KHDRBS2: variants seen among roughly 807,000 people sequenced by gnomAD.
KHDRBS2 encodes the protein KH RNA binding domain containing, signal transduction associated 2.
A neutral mutation model predicts 44.3 loss-of-function variants in KHDRBS2; 26 were observed. The observed-to-expected ratio is 0.59, with a 90% confidence interval of 0.43 to 0.81. The LOEUF (loss-of-function observed/expected upper bound fraction) is 0.81, where lower values mean the gene tolerates loss of function less well. KHDRBS2 is among the 40% of genes least tolerant of loss of function. KHDRBS2 has a pLI of 0.00. For synonymous variants in KHDRBS2, 194 were observed against 151.1 expected (o/e 1.28, Z -2.08); for missense variants, 476 against 433.1 (o/e 1.10, Z -0.88).
the KHDRBS2 span, among the ~76,000 whole-genome samples, chr6:61,594,209 TAGAAA>T: frequency 4.0e-5 from 6 of 151,170 alleles, no homozygotes; most frequent in Admixed American, 1.3e-4. Context: ...TTCTTAACTC[TAGAAA>T]AGAAAACATT....
At chr6:62,074,417 G>A (rs143354677) in intron 2 of KHDRBS2, among the ~76,000 whole-genome samples, 381 of 151,842 alleles carry the variant, frequency 2.5e-3, no homozygotes, top group Non-Finnish European at 2.7e-3. Context: ...TGTGACTATA[G>A]TCCACCATCT....
chr6:61,716,725 T>G (rs1310227736), intron 7 of KHDRBS2, among the ~76,000 whole-genome samples: 5 of 152,052 alleles, frequency 3.3e-5, no homozygotes, highest in Non-Finnish European at 7.4e-5. Context: ...CTTAAATATG[T>G]TATTCATATG....
chr6:61,854,904 C>T (rs779919946), intron 6 of KHDRBS2, among the ~76,000 whole-genome samples: 2 of 152,144 alleles, frequency 1.3e-5, no homozygotes, highest in Non-Finnish European at 2.9e-5. Flanking sequence ...TCTTGAAAGA[C>T]CATATATCTT....
chr6:61,674,187 T>C, the KHDRBS2 span, among the ~76,000 whole-genome samples: 1 of 151,804 alleles, frequency 6.6e-6, no homozygotes, highest in Non-Finnish European at 1.5e-5. Context: ...TGTTTTTCTA[T>C]GATGAAATCA....
chr6:61,764,167 C>G (rs551344271), intron 6 of KHDRBS2, among the ~76,000 whole-genome samples: 11 of 152,222 alleles, frequency 7.2e-5, no homozygotes, highest in Admixed American at 3.9e-4. Context: ...TGAGCTCATT[C>G]CTTTTTAGGA....
intron 1 of KHDRBS2, among the ~76,000 whole-genome samples, chr6:62,233,098 A>C (rs1340486866): frequency 6.6e-6 from 1 of 152,162 alleles, no homozygotes; most frequent in Non-Finnish European, 1.5e-5. Context: ...ACTTAGGCTA[A>C]TTGGGACTAA....
At chr6:61,877,193 G>A (rs1799543296) in intron 6 of KHDRBS2, among the ~76,000 whole-genome samples, 1 of 151,780 alleles carries the variant, frequency 6.6e-6, no homozygotes, top group Admixed American at 6.6e-5. Flanking sequence ...CCCCTGCATT[G>A]GACCTCCAGT....
chr6:62,286,070 G>T lies in KHDRBS2; in HGVS notation c.-122C>A. 1 of 692,800 alleles carries T rather than the reference G, an allele frequency of 1.4e-6. No homozygotes were observed. Among genetic ancestry groups the T allele is most frequent in the Non-Finnish European group, 2.6e-6 (1 of 387,390 alleles). The allele number at this position is 692,800 out of a possible 1,614,324, so 42.9% of individuals were successfully genotyped here. A position where few individuals can be genotyped will look rare whatever the true frequency, so the allele number is the denominator to read the frequency against. On this transcript the variant is annotated 5_prime_UTR_variant, in exon 1 of 9. Coordinates refer to ENST00000281156, the MANE Select transcript of KHDRBS2 (RefSeq NM_152688.4). ...CTCCTCCGCGCGGCGAGGGATCTCT[G>T]TGCGTCCTCACTGGCCCATGCACCC...
chr6:61,772,786 C>T (rs1170329978), intron 6 of KHDRBS2, among the ~76,000 whole-genome samples: 1 of 152,046 alleles, frequency 6.6e-6, no homozygotes, highest in Non-Finnish European at 1.5e-5. Context: ...GCTATCCCTA[C>T]CCCCTACCCC....
the KHDRBS2 span, among the ~76,000 whole-genome samples, chr6:61,673,914 G>GA: frequency 6.7e-6 from 1 of 150,342 alleles, no homozygotes; most frequent in Non-Finnish European, 1.5e-5. Flanking sequence ...CACAGAATTG[G>GA]AAAAAACTAC....
intron 2 of KHDRBS2, among the ~76,000 whole-genome samples, chr6:62,164,206 T>C (rs1176926467): frequency 6.6e-6 from 1 of 151,930 alleles, no homozygotes; most frequent in Admixed American, 6.6e-5. Context: ...GGCTGTAAAC[T>C]TACTAATGTT....
chr6:62,120,550 C>T (rs1807367793), intron 2 of KHDRBS2, among the ~76,000 whole-genome samples: 1 of 152,118 alleles, frequency 6.6e-6, no homozygotes, highest in Admixed American at 6.5e-5. Flanking sequence ...GGCATAGCTA[C>T]CGTAATGAAC....
chr6:62,223,469 T>C (rs2150153851), intron 1 of KHDRBS2, among the ~76,000 whole-genome samples: 1 of 152,306 alleles, frequency 6.6e-6, no homozygotes, highest in Non-Finnish European at 1.5e-5. Context: ...AAGGACATTT[T>C]CCCCATTGTC....
rs367863523 is a variant in KHDRBS2, at chr6:61,732,747, G to A, written c.828C>T (p.Tyr276=). ...AYEEYGYDDG[Y]GGEYDDQTYE... ...AGGTCTGGTCATCATATTCACCCCC[G>A]TAGCCATCATCATAACCCTGAGACA... Residue 276 remains tyrosine, a synonymous_variant, in exon 7 of 9, where the codon TAC becomes TAT. Coordinates refer to ENST00000281156, the MANE Select transcript of KHDRBS2 (RefSeq NM_152688.4). 5.5e-5 allele frequency: 89 copies of A among 1,605,954 alleles called. No homozygotes were observed. In the South Asian group the frequency reaches 6.3e-4, roughly 11 times the overall value.
chr6:61,780,827 G>C (rs1782822492), intron 6 of KHDRBS2, among the ~76,000 whole-genome samples: 1 of 152,092 alleles, frequency 6.6e-6, no homozygotes, highest in South Asian at 2.1e-4. Flanking sequence ...AAAGCAAACT[G>C]CCTGTCATCA....
chr6:62,229,194 G>A (rs552409163), intron 1 of KHDRBS2, among the ~76,000 whole-genome samples: 2 of 152,094 alleles, frequency 1.3e-5, no homozygotes, highest in African/African-American at 2.4e-5. Context: ...GGGTCCCTAA[G>A]CCCCTGGATG....
At chr6:61,564,401 G>T in the KHDRBS2 span, among the ~76,000 whole-genome samples, 1 of 152,058 alleles carries the variant, frequency 6.6e-6, no homozygotes, top group Non-Finnish European at 1.5e-5. Context: ...ATTTATGTTA[G>T]CTCCTCCAGG....
chr6:62,142,011 A>G (rs1348072649), intron 2 of KHDRBS2, among the ~76,000 whole-genome samples: 1 of 152,112 alleles, frequency 6.6e-6, no homozygotes, highest in East Asian at 1.9e-4. Context: ...GTAGAGGAAC[A>G]AAATTTAACT....
chr6:61,935,247 G>T (rs1810815786), intron 4 of KHDRBS2, among the ~76,000 whole-genome samples: 1 of 152,210 alleles, frequency 6.6e-6, no homozygotes, highest in South Asian at 2.1e-4. Context: ...ATGTAGGAAA[G>T]TATCAGTGAA....
Sources: allele counts gnomAD v4.1 joint callset (sites outside exome capture counted in the v4.1 genomes callset), GRCh38; gene constraint gnomAD v4.1.1; transcripts MANE v1.5; gene names NCBI Gene and HGNC (gene_info 2026-07-23, HGNC 2026-07-21).